GRIK1: variants seen among roughly 807,000 people sequenced by gnomAD.
GRIK1 encodes the protein glutamate receptor ionotropic, kainate 1.
GRIK1 carries 69 observed loss-of-function variants against 105.7 expected under a neutral mutation model. The ratio of observed to expected loss-of-function variants is 0.65; its 90% CI spans 0.54 to 0.80. GRIK1 has a LOEUF of 0.80. Among genes scored for constraint, GRIK1 ranks in the 30% least tolerant of loss-of-function variants. GRIK1 has a pLI of 0.00. For missense variants in GRIK1, 1,109 were observed against 1,167.3 expected (o/e 0.95, Z 0.73); for synonymous variants, 438 against 431.3 (o/e 1.02, Z -0.19).
intron 1 of GRIK1, among the ~76,000 whole-genome samples, chr21:29,817,179 A>C (rs996603868): frequency 6.6e-6 from 1 of 152,156 alleles, no homozygotes; most frequent in South Asian, 2.1e-4. Context: ...AAGCAACTCT[A>C]TCTGGTCAGA....
At chr21:29,723,824 A>G (rs2064384908) in intron 1 of GRIK1, among the ~76,000 whole-genome samples, 1 of 151,910 alleles carries the variant, frequency 6.6e-6, no homozygotes, top group Admixed American at 6.6e-5. Context: ...TACTCTATCT[A>G]TACTTTCTAA....
chr21:29,772,158 G>A (rs534509081), intron 1 of GRIK1, among the ~76,000 whole-genome samples: 1 of 151,886 alleles, frequency 6.6e-6, no homozygotes, highest in East Asian at 1.9e-4. Flanking sequence ...TGAATCTTTC[G>A]AAATGGAAAT....
At chr21:29,814,404 C>G (rs1028671153) in intron 1 of GRIK1, among the ~76,000 whole-genome samples, 1 of 152,034 alleles carries the variant, frequency 6.6e-6, no homozygotes, top group African/African-American at 2.4e-5. Flanking sequence ...ATTTGCGATG[C>G]TGGGTGCTTG....
chr21:29,620,657 GAA>G (rs56146112), intron 7 of GRIK1, among the ~76,000 whole-genome samples: 1 of 138,598 alleles, frequency 7.2e-6, no homozygotes, highest in Non-Finnish European at 1.6e-5. Context: ...TGGACCAAAG[GAA>G]AAAAAAAAAG....
At position 29,598,916 on chromosome 21, in the gene GRIK1, C is replaced by A. The variant is rs1386780436; in HGVS notation, c.1120G>T (p.Gly374Trp). 1 of 1,581,370 alleles carries A rather than the reference C, an allele frequency of 6.3e-7. No homozygotes were observed. The highest frequency in any genetic ancestry group is 1.7e-5 in the Admixed American group (1 of 58,058). ...TTGGTTTTATTAAAGGTGATATGCC[C>A]AGTCAAGCCATCCCACCGGGCCTGT... ...IKEARWDGLT[G>W]HITFNKTNGL... Residue 374 changes from glycine (G) to tryptophan (W), a missense_variant, in exon 8 of 18, where the codon GGG becomes TGG. Gly to Trp is a radical substitution (Grantham distance 184). Around this residue, in one of 5 missense-constraint regions of GRIK1, gnomAD observed 612 missense variants for 586.0 expected, o/e 1.04. Coordinates refer to ENST00000327783, the MANE Select transcript of GRIK1 (RefSeq NM_001330994.2).
intron 1 of GRIK1, among the ~76,000 whole-genome samples, chr21:29,728,444 A>G (rs546247553): frequency 7.9e-5 from 12 of 152,200 alleles, no homozygotes; most frequent in Non-Finnish European, 1.6e-4. Context: ...CAATGGACTC[A>G]GTGAAGAGAT....
intron 1 of GRIK1, among the ~76,000 whole-genome samples, chr21:29,915,866 T>C (rs458979): frequency 0.22 from 33,443 of 151,830 alleles, 4,194 homozygotes; most frequent in African/African-American, 0.34. Flanking sequence ...TCTTTGTTTA[T>C]CTGTGGATCC....
intron 1 of GRIK1, among the ~76,000 whole-genome samples, chr21:29,890,546 C>T (rs186161467): frequency 6.6e-6 from 1 of 152,070 alleles, no homozygotes. Context: ...ATTGTAAGTA[C>T]AGTTGTAGAT....
chr21:29,890,502 C>T (rs1016532087), intron 1 of GRIK1, among the ~76,000 whole-genome samples: 2 of 152,116 alleles, frequency 1.3e-5, no homozygotes, highest in Non-Finnish European at 2.9e-5. Flanking sequence ...CCTCAACCAG[C>T]AGAAATCAGG....
At chr21:29,738,497 G>A (rs1203546023) in intron 1 of GRIK1, among the ~76,000 whole-genome samples, 1 of 152,188 alleles carries the variant, frequency 6.6e-6, no homozygotes, top group Non-Finnish European at 1.5e-5. Flanking sequence ...ATATCCCACA[G>A]AAATGAAACT....
chr21:29,576,909 T>C, intron 14 of GRIK1, 55 bp downstream of exon 14: 1 of 969,914 alleles, frequency 1.0e-6, no homozygotes, highest in South Asian at 1.5e-5. Flanking sequence ...CAGATTCTTT[T>C]ATACTCTACC....
intron 1 of GRIK1, among the ~76,000 whole-genome samples, chr21:29,846,201 A>C (rs1165589263): frequency 1.4e-5 from 1 of 71,452 alleles, no homozygotes; most frequent in Non-Finnish European, 2.6e-5. Flanking sequence ...GACCGGCCTG[A>C]CTAACAGGGA....
intron 9 of GRIK1, among the ~76,000 whole-genome samples, chr21:29,591,694 T>C (rs1484555067): frequency 6.6e-6 from 1 of 152,108 alleles, no homozygotes; most frequent in Non-Finnish European, 1.5e-5. Flanking sequence ...ACTAGTTTAT[T>C]TAAAATTTAT....
chr21:29,563,369 A>G (rs763306095), intron 14 of GRIK1, among the ~76,000 whole-genome samples: 2 of 152,142 alleles, frequency 1.3e-5, no homozygotes, highest in Non-Finnish European at 2.9e-5. Flanking sequence ...TTTATTTCAG[A>G]TTGTTAGGCA....
chr21:29,796,030 A>G (rs1483235063), intron 1 of GRIK1, among the ~76,000 whole-genome samples: 1 of 152,116 alleles, frequency 6.6e-6, no homozygotes, highest in African/African-American at 2.4e-5. Flanking sequence ...CAATTTGTTT[A>G]TGTTTCTAAT....
intron 5 of GRIK1, 90 bp downstream of exon 5, chr21:29,654,720 C>T (rs2062814475): frequency 1.3e-6 from 1 of 789,952 alleles, no homozygotes; most frequent in Non-Finnish European, 2.3e-6. Context: ...TGACAATATC[C>T]TGCCTTTGAC....
chr21:29,663,214 G>A (rs895049582), intron 4 of GRIK1, among the ~76,000 whole-genome samples: 1 of 152,134 alleles, frequency 6.6e-6, no homozygotes, highest in African/African-American at 2.4e-5. Context: ...CAAGTGGCAG[G>A]AAAATTAATA....
intron 4 of GRIK1, among the ~76,000 whole-genome samples, chr21:29,656,354 CAAAAAAAAAAA>C (rs3054331): frequency 6.5e-3 from 332 of 51,114 alleles, no homozygotes; most frequent in African/African-American, 9.5e-3. Flanking sequence ...GAGCGAGACT[CAAAAAAAAAAA>C]AAAAAAAAAA....
chr21:29,866,927 G>C (rs1181252015), intron 1 of GRIK1, among the ~76,000 whole-genome samples: 2 of 152,194 alleles, frequency 1.3e-5, no homozygotes, highest in African/African-American at 2.4e-5. Context: ...CCTGCACTCA[G>C]TTTGGCTCTT....
Sources: gnomAD v4.1 joint callset for allele counts (sites outside exome capture counted in the v4.1 genomes callset) on GRCh38, gnomAD v4.1.1 for gene constraint, gnomAD v4.1.1 regional missense constraint, MANE v1.5 for transcripts, NCBI Gene and HGNC (gene_info 2026-07-23, HGNC 2026-07-21) for gene names.